The following CASS4 variants were observed in gnomAD, a reference collection of about 807,000 sequenced individuals.
CASS4 encodes the protein Cas scaffold protein family member 4, also known as cas scaffolding protein family member 4.
A neutral mutation model predicts 54.2 loss-of-function variants in CASS4; 22 were observed. That is an observed-to-expected ratio of 0.41 (90% confidence interval 0.29 to 0.58). The LOEUF is 0.58. CASS4 is among the 20% of genes least tolerant of loss of function. The probability of loss-of-function intolerance (pLI) is 0.36; values close to 1 mark genes in which losing one functional copy is unlikely to be tolerated. For synonymous variants in CASS4, 409 were observed against 391.5 expected, an observed-to-expected ratio of 1.04 and a Z score of -0.53; for missense variants, 854 against 986.7, an observed-to-expected ratio of 0.87 and a Z score of 1.80.
Position 56,452,582 on chromosome 20 carries a change from G to A in CASS4, c.1406G>A (p.Arg469Gln), listed in dbSNP as rs753526844. 16 of 1,614,020 alleles carry A rather than the reference G, an allele frequency of 9.9e-6. No individual in the cohort carries two copies. In the Admixed American group the frequency reaches 1.3e-4, roughly 13 times the overall value. The change falls in exon 5 of 6, where the codon CGA becomes CAA. Residue 469 changes from arginine to glutamine, a missense_variant. Physicochemically the swap from Arg to Gln is conservative, Grantham distance 43 (BLOSUM62 1). Coordinates refer to ENST00000679887, the MANE Select transcript of CASS4 (RefSeq NM_020356.4). ...MLFVSRKWRF[R>Q]DYLEANIDAI... ...TTTGTCAGCAGGAAGTGGAGATTCCGAGACTATCTGGAGGCCAACATTGAT... is the reference window on the plus strand; with the variant it reads ...TTTGTCAGCAGGAAGTGGAGATTCCAAGACTATCTGGAGGCCAACATTGAT...
chr20:56,433,091 A>G (rs1400929297), intron 1 of CASS4, among the ~76,000 whole-genome samples: 1 of 152,242 alleles, frequency 6.6e-6, no homozygotes, highest in East Asian at 1.9e-4. Flanking sequence ...AGTCCAGAAC[A>G]AGAGGGTGTG....
At position 56,431,872 on chromosome 20, in the gene CASS4, C is replaced by T. The variant is rs79044968; in HGVS notation, c.37-5292C>T. ...TCATGGGAATTACGATGAAATATAC[C>T]ATAATTATTTCATTATAGCCTCTGC... On this transcript the variant is annotated intron_variant, in intron 1 of 5. Transcript: ENST00000679887. Among the ~76,000 whole-genome samples, 1,351 of 152,208 alleles carry T rather than the reference C, an allele frequency of 8.9e-3. 23 individuals are homozygous for T. The highest frequency in any genetic ancestry group is 0.031 in the African/African-American group (1,276 of 41,510).
chr20:56,447,335 C>T (rs1980766266), intron 3 of CASS4, among the ~76,000 whole-genome samples: 1 of 152,202 alleles, frequency 6.6e-6, no homozygotes, highest in African/African-American at 2.4e-5. Context: ...GCTAAAGCTC[C>T]TGCTGCCCAG....
Position 56,425,517 on chromosome 20 carries a change from C to G in CASS4, c.37-11647C>G, listed in dbSNP as rs1440930167. 2.6e-5 allele frequency among the ~76,000 whole-genome samples: 4 copies of G among 152,168 alleles called. No homozygotes were observed. The South Asian group carries it at 8.3e-4, about 31-fold the overall frequency. On this transcript the variant is annotated intron_variant, in intron 1 of 5. Coordinates refer to ENST00000679887, the MANE Select transcript of CASS4 (RefSeq NM_020356.4). ...GAAGTAGTTGACGATGTTTGGCATCCTGGAAGTTCAGGGAGGTAAGAAGTC... is the reference window on the plus strand; with the variant it reads ...GAAGTAGTTGACGATGTTTGGCATCGTGGAAGTTCAGGGAGGTAAGAAGTC...
rs7272702 is a variant in CASS4, at chr20:56,458,726, G to T, written c.2340G>T (p.Gln780His). The change falls in exon 6 of 6, where the codon CAG becomes CAT. Residue 780 changes from glutamine (Q) to histidine (H), a missense_variant. Coordinates refer to ENST00000679887, the MANE Select transcript of CASS4 (RefSeq NM_020356.4). ...AGAAGCTGGAGCAACACACGCGGCA[G>T]TTCAGAGGGACACTGGGATGAGGAC... ...EAEKLEQHTR[Q>H]FRGTLG The T allele has an allele frequency of 4.8e-3, 7,760 of 1,606,830 alleles. 335 individuals are homozygous for T. The African/African-American group carries it at 0.09, about 19-fold the overall frequency.
In CASS4 at chr20:56,458,678, G is replaced by C. The variant is rs1261300680; in HGVS notation, c.2292G>C (p.Leu764=). 2.5e-6 allele frequency: 4 copies of C among 1,612,730 alleles called. No homozygotes were observed. The highest frequency in any genetic ancestry group is 3.4e-6 in the Non-Finnish European group (4 of 1,179,706). The change falls in exon 6 of 6, where the codon CTG becomes CTC. Residue 764 remains leucine, a synonymous_variant. Transcript: ENST00000679887. ...AVLTYPSPAA[L]GHLQAEAEKL... ...TCACGTACCCCAGCCCTGCCGCGCT[G>C]GGGCACCTCCAGGCGGAGGCTGAGA...
intron 1 of CASS4, among the ~76,000 whole-genome samples, chr20:56,413,054 G>A (rs149291458): frequency 2.2e-4 from 33 of 152,080 alleles, no homozygotes; most frequent in Admixed American, 5.9e-4. Flanking sequence ...AAAGGTGAAA[G>A]AAGCCAGGCA....
intron 1 of CASS4, among the ~76,000 whole-genome samples, chr20:56,423,737 G>A (rs530148852): frequency 3.9e-5 from 6 of 152,164 alleles, no homozygotes; most frequent in South Asian, 2.1e-4. Flanking sequence ...TAGAGTCGGG[G>A]TTTCACCATG....
Position 56,452,656 on chromosome 20 carries a change from C to T in CASS4, c.1480C>T (p.Leu494=). Residue 494 remains leucine, a synonymous_variant, in exon 5 of 6, where the codon CTG becomes TTG. Transcript: ENST00000679887. ...CATAGAAGAATCTGTAAGAGAATTT[C>T]TGGATTTTGCCCGAGGAGTCCATGG... is the stretch of plus-strand genomic sequence containing the variant. ...DHIEESVREF[L]DFARGVHGTA... is the part of the protein sequence containing the mutation. 6.2e-7 allele frequency: 1 copy of T among 1,614,204 alleles called. No individual in the cohort carries two copies. Among genetic ancestry groups the T allele is most frequent in the Non-Finnish European group, 8.5e-7 (1 of 1,180,046 alleles).
intron 5 of CASS4, among the ~76,000 whole-genome samples, chr20:56,457,456 C>A (rs775410050): frequency 5.3e-5 from 8 of 152,024 alleles, no homozygotes; most frequent in Admixed American, 2.0e-4. Context: ...AAGTTGGTTC[C>A]ATTTTCCAGA....
intron 2 of CASS4, among the ~76,000 whole-genome samples, chr20:56,442,192 G>A (rs556686403): frequency 1.3e-5 from 2 of 151,862 alleles, no homozygotes; most frequent in East Asian, 1.9e-4. Flanking sequence ...ATTAACATCC[G>A]AGAAGGTGGA....
intron 5 of CASS4, among the ~76,000 whole-genome samples, chr20:56,454,662 A>G (rs1246218279): frequency 6.6e-6 from 1 of 152,244 alleles, no homozygotes; most frequent in Middle Eastern, 3.2e-3. Context: ...TTTTTCAGAC[A>G]TTGCCTAACT....
At chr20:56,434,542 T>A (rs1398757344) in intron 1 of CASS4, among the ~76,000 whole-genome samples, 1 of 152,104 alleles carries the variant, frequency 6.6e-6, no homozygotes, top group African/African-American at 2.4e-5. Flanking sequence ...GTTCAGGTGA[T>A]TCTTCTGCCT....
chr20:56,429,772 C>G (rs560394762), intron 1 of CASS4, among the ~76,000 whole-genome samples: 17 of 152,294 alleles, frequency 1.1e-4, no homozygotes, highest in Non-Finnish European at 1.5e-5. Flanking sequence ...GCTTCCATGG[C>G]TGCTTTCTCA....
chr20:56,432,713 C>G (rs1402958505), intron 1 of CASS4, among the ~76,000 whole-genome samples: 1 of 152,148 alleles, frequency 6.6e-6, no homozygotes, highest in Non-Finnish European at 1.5e-5. Context: ...CTCTAAAACT[C>G]TAGTCCCTTA....
intron 5 of CASS4, among the ~76,000 whole-genome samples, chr20:56,456,378 T>C (rs1981296653): frequency 1.1e-5 from 1 of 91,534 alleles, no homozygotes; most frequent in South Asian, 3.9e-4. Flanking sequence ...TTCTAAACTC[T>C]TCTTTTTTTT....
intron 1 of CASS4, among the ~76,000 whole-genome samples, chr20:56,426,522 G>C (rs1979646353): frequency 6.6e-6 from 1 of 152,068 alleles, no homozygotes; most frequent in Admixed American, 6.6e-5. Context: ...GATTAAAGAG[G>C]ATTTTTCCCT....
At chr20:56,455,978 C>T (rs3787393) in intron 5 of CASS4, among the ~76,000 whole-genome samples, 45,246 of 150,882 alleles carry the variant, frequency 0.3, 8,306 homozygotes, top group East Asian at 0.68. Flanking sequence ...GGCTGGGCCC[C>T]GCTCTCAGAA....
At chr20:56,438,649 G>C (rs1980311589) in intron 2 of CASS4, among the ~76,000 whole-genome samples, 1 of 152,148 alleles carries the variant, frequency 6.6e-6, no homozygotes, top group Non-Finnish European at 1.5e-5. Context: ...ACAAGGTCAG[G>C]AGTTCGAGAC....
Sources: allele counts gnomAD v4.1 joint callset (sites outside exome capture counted in the v4.1 genomes callset), GRCh38; gene constraint gnomAD v4.1.1; transcripts MANE v1.5; gene names NCBI Gene and HGNC (gene_info 2026-07-23, HGNC 2026-07-21).